TET3: variants seen among roughly 807,000 people sequenced by gnomAD.
The protein encoded by TET3 is tet methylcytosine dioxygenase 3, also known as methylcytosine dioxygenase TET3.
Under a neutral mutation model 141.4 loss-of-function variants are expected in TET3, and 19 were observed. The observed-to-expected ratio is 0.13, with a 90% CI of 0.09 to 0.20. TET3 has a LOEUF of 0.20. Among genes scored for constraint, TET3 ranks in the 10% least tolerant of loss-of-function variants. The pLI, the probability that TET3 is intolerant of heterozygous loss-of-function variation, is 1.00. For missense variants in TET3, 1,874 were observed against 2,356.9 expected (o/e 0.80, Z 4.24); for synonymous variants, 1,043 against 980.9 (o/e 1.06, Z -1.18).
intron 4 of TET3, among the ~76,000 whole-genome samples, chr2:74,062,138 A>G (rs1341963437): frequency 1.3e-5 from 2 of 152,222 alleles, no homozygotes; most frequent in African/African-American, 2.4e-5. Flanking sequence ...ACCATTGAGC[A>G]CTGAGTGAAC....
intron 4 of TET3, 86 bp from the exon 5 acceptor site, chr2:74,073,463 T>G: frequency 9.8e-7 from 1 of 1,023,606 alleles, no homozygotes; most frequent in Non-Finnish European, 1.4e-6. Context: ...AGCATGCCTA[T>G]TAACTTTCCT....
chr2:73,993,396 C>T (rs1684429943), intron 2 of TET3: 1 of 152,234 alleles, frequency 6.6e-6, no homozygotes, highest in East Asian at 1.9e-4. Context: ...CCCAGACCTG[C>T]TGAATTGAAA....
chr2:74,082,390 G>A (rs1377900900), intron 6 of TET3, among the ~76,000 whole-genome samples: 3 of 152,140 alleles, frequency 2.0e-5, no homozygotes, highest in Non-Finnish European at 4.4e-5. Context: ...TCTGGGGTCT[G>A]TGGACGGATG....
chr2:74,058,717 A>G (rs886196752), intron 4 of TET3, among the ~76,000 whole-genome samples: 4 of 152,218 alleles, frequency 2.6e-5, no homozygotes, highest in Non-Finnish European at 5.9e-5. Flanking sequence ...AAACAGCAGA[A>G]CAGAATTTTA....
Position 74,107,117 on chromosome 2 carries a change from C to T in TET3, c.*4941C>T, listed in dbSNP as rs1342975675. ...CCTGGACCAAAACATTTTTGAGGTGCATACCCCCAACATAAGTTACACAGT... is the reference window on the plus strand; with the variant it reads ...CCTGGACCAAAACATTTTTGAGGTGTATACCCCCAACATAAGTTACACAGT... On this transcript the variant is annotated 3_prime_UTR_variant, in exon 12 of 12. Coordinates refer to ENST00000409262, the MANE Select transcript of TET3 (RefSeq NM_001287491.2). 2 of 152,394 alleles carry T rather than the reference C, an allele frequency of 1.3e-5. No homozygotes were observed. The highest frequency in any genetic ancestry group is 3.9e-4 in the East Asian group (2 of 5,184). The allele number at this position is 152,394 out of a possible 1,614,324, so 9.4% of individuals were successfully genotyped here.
downstream of TET3, among the ~76,000 whole-genome samples, chr2:74,109,449 A>G (rs940590790): frequency 6.6e-6 from 1 of 152,246 alleles, no homozygotes; most frequent in African/African-American, 2.4e-5. Flanking sequence ...TATGCAGAAT[A>G]GCATCTTTTT....
intron 6 of TET3, among the ~76,000 whole-genome samples, chr2:74,083,197 T>C (rs1265009264): frequency 6.6e-6 from 1 of 152,136 alleles, no homozygotes; most frequent in Non-Finnish European, 1.5e-5. Flanking sequence ...GATTTTAAGG[T>C]GGCCTGTACA....
intron 4 of TET3, among the ~76,000 whole-genome samples, chr2:74,049,312 T>A (rs1390893474): frequency 6.6e-6 from 1 of 152,130 alleles, no homozygotes; most frequent in African/African-American, 2.4e-5. Flanking sequence ...GAGTTACACG[T>A]TTGGACCTAG....
rs1174984736 is a variant in TET3, at chr2:74,102,906, A to C, written c.*730A>C. The C allele has an allele frequency of 6.6e-6, 1 of 152,188 alleles. No homozygotes were observed. Among genetic ancestry groups the C allele is most frequent in the Admixed American group, 6.6e-5 (1 of 15,262 alleles). The allele number at this position is 152,188 out of a possible 1,614,324, so 9.4% of individuals were successfully genotyped here. On this transcript the variant is annotated 3_prime_UTR_variant, in exon 12 of 12. Transcript: ENST00000409262. Reference sequence around the variant, plus strand: ...CGGCTTGGAGTCGAAGGGCAGATGCACCCCAGGCCAGCCCCACGAGATGCT... The same window carrying C: ...CGGCTTGGAGTCGAAGGGCAGATGCCCCCCAGGCCAGCCCCACGAGATGCT...
At chr2:74,112,902 G>A (rs1691735645), downstream of TET3, among the ~76,000 whole-genome samples, 1 of 150,526 alleles carries the variant, frequency 6.6e-6, no homozygotes, top group Non-Finnish European at 1.5e-5. Flanking sequence ...TCGAGAGGCT[G>A]AGGCAGGAGA....
intron 4 of TET3, among the ~76,000 whole-genome samples, chr2:74,064,407 T>C (rs1010250395): frequency 6.6e-6 from 1 of 152,214 alleles, no homozygotes; most frequent in Non-Finnish European, 1.5e-5. Context: ...CATTTCTTTT[T>C]TATTTTTTTT....
chr2:74,002,230 C>T (rs1684885111), intron 2 of TET3, among the ~76,000 whole-genome samples: 1 of 152,182 alleles, frequency 6.6e-6, no homozygotes, highest in African/African-American at 2.4e-5. Context: ...AGTAAAGGTT[C>T]GTGCTGCCTG....
chr2:74,111,127 C>G (rs1290820197), downstream of TET3, among the ~76,000 whole-genome samples: 2 of 152,202 alleles, frequency 1.3e-5, no homozygotes, highest in Non-Finnish European at 2.9e-5. Context: ...CAGGAACATT[C>G]CATTGTCCCA....
At chr2:74,067,352 C>G (rs140085747) in intron 4 of TET3, among the ~76,000 whole-genome samples, 1 of 152,136 alleles carries the variant, frequency 6.6e-6, no homozygotes, top group African/African-American at 2.4e-5. Context: ...TGTAATTTGC[C>G]CACAGTCACA....
chr2:74,040,780 A>G lies in TET3; in HGVS notation c.361-5498A>G, dbSNP rs115498160. On this transcript the variant is annotated intron_variant, in intron 3 of 11. Coordinates refer to ENST00000409262, the MANE Select transcript of TET3 (RefSeq NM_001287491.2). Reference sequence around the variant, plus strand: ...TAAAATCAGCTGGGCATGGTGGTGCATACCTGTGGTCCCAGCTACTTGGGA... The same window carrying G: ...TAAAATCAGCTGGGCATGGTGGTGCGTACCTGTGGTCCCAGCTACTTGGGA... 4.8e-3 allele frequency among the ~76,000 whole-genome samples: 726 copies of G among 152,268 alleles called. 6 individuals carry two copies. The highest frequency in any genetic ancestry group is 0.017 in the African/African-American group (692 of 41,544).
chr2:73,988,989 A>AT (rs1558689017), intron 2 of TET3, among the ~76,000 whole-genome samples: 2 of 128,936 alleles, frequency 1.6e-5, no homozygotes, highest in Non-Finnish European at 1.6e-5. Context: ...AAAAAAAAAA[A>AT]GTTTTTTTTG....
Position 74,047,268 on chromosome 2 carries a change from C to T in TET3, c.1351C>T (p.Pro451Ser), listed in dbSNP as rs766702211. 4 of 1,614,052 alleles carry T rather than the reference C, an allele frequency of 2.5e-6. No homozygotes were observed. Among genetic ancestry groups the T allele is most frequent in the Non-Finnish European group, 3.4e-6 (4 of 1,179,908 alleles). Reference sequence around the variant, plus strand: ...TCCAGCAACGCCCCGGAGCTCCTGGCCCATGCCTCGCCCAAGCCCCGATCC... The same window carrying T: ...TCCAGCAACGCCCCGGAGCTCCTGGTCCATGCCTCGCCCAAGCCCCGATCC... The part of the protein sequence containing the change: ...TPPATPRSSW[P>S]MPRPSPDPMA... The change falls in exon 4 of 12, where the codon CCC (proline) becomes TCC (serine). Residue 451 changes from proline (P) to serine (S), a missense_variant. By Grantham distance (74) the Pro-to-Ser change is moderately conservative (BLOSUM62 -1). This residue lies in a region of TET3 where 484 missense variants were observed against 462.2 expected (regional missense o/e 1.05). Coordinates refer to ENST00000409262, the MANE Select transcript of TET3 (RefSeq NM_001287491.2).
chr2:74,115,602 T>TA, the TET3 span, among the ~76,000 whole-genome samples: 6 of 152,052 alleles, frequency 3.9e-5, no homozygotes, highest in East Asian at 1.9e-4. Context: ...TGGATAGAGC[T>TA]AAAAAAAGAA....
intron 6 of TET3, among the ~76,000 whole-genome samples, chr2:74,086,003 TC>T (rs1383799161): frequency 6.6e-6 from 1 of 152,240 alleles, no homozygotes; most frequent in East Asian, 1.9e-4. Flanking sequence ...TCAATGGTGT[TC>T]CAGCTGGTCT....
Sources: allele counts gnomAD v4.1 joint callset (sites outside exome capture counted in the v4.1 genomes callset), GRCh38; gene constraint gnomAD v4.1.1; regional missense constraint gnomAD v4.1.1; transcripts MANE v1.5; gene names NCBI Gene and HGNC (gene_info 2026-07-23, HGNC 2026-07-21).